Variants in BCHE observed in about 807,000 individuals in gnomAD.
The protein encoded by BCHE is butyrylcholinesterase, also known as cholinesterase.
A neutral mutation model predicts 51.3 loss-of-function variants in BCHE; 48 were observed. The observed-to-expected ratio is 0.94, with a 90% CI of 0.74 to 1.19. The LOEUF (loss-of-function observed/expected upper bound fraction) is 1.19. Ranked by LOEUF, BCHE falls within the 50% of genes most tolerant of loss-of-function variation. The probability of loss-of-function intolerance (pLI) is 0.00; values close to 1 mark genes in which losing one functional copy is unlikely to be tolerated. For synonymous variants in BCHE, 251 were observed against 238.0 expected (o/e 1.05, Z -0.50); for missense variants, 847 against 708.2 (o/e 1.20, Z -2.23).
chr3:165,808,239 C>G (rs1235825668), intron 2 of BCHE, among the ~76,000 whole-genome samples: 1 of 152,006 alleles, frequency 6.6e-6, no homozygotes, highest in East Asian at 1.9e-4. Context: ...CCCGCTTCTG[C>G]CTCTCAAAGT....
At chr3:165,775,233 C>G (rs912023644) in intron 3 of BCHE, among the ~76,000 whole-genome samples, 9 of 151,826 alleles carry the variant, frequency 5.9e-5, no homozygotes, top group Admixed American at 5.9e-4. Flanking sequence ...TACAATATCC[C>G]TTGTAATTTA....
chr3:165,789,818 C>G (rs1484068432), intron 2 of BCHE, among the ~76,000 whole-genome samples: 1 of 151,864 alleles, frequency 6.6e-6, no homozygotes, highest in African/African-American at 2.4e-5. Context: ...ATTTAGAAAA[C>G]AGATTCATTC....
chr3:165,824,865 C>T (rs1220400085), intron 2 of BCHE, among the ~76,000 whole-genome samples: 2 of 151,664 alleles, frequency 1.3e-5, no homozygotes, highest in Non-Finnish European at 2.9e-5. Context: ...AAAGGTATAC[C>T]ATATTCATGG....
chr3:165,809,376 C>T (rs1225368304), intron 2 of BCHE, among the ~76,000 whole-genome samples: 4 of 152,102 alleles, frequency 2.6e-5, no homozygotes, highest in African/African-American at 9.7e-5. Context: ...GAAAGCATTA[C>T]ACTATTGCCA....
At chr3:165,796,559 T>C (rs1713385277) in intron 2 of BCHE, among the ~76,000 whole-genome samples, 1 of 152,222 alleles carries the variant, frequency 6.6e-6, no homozygotes, top group Admixed American at 6.5e-5. Flanking sequence ...ATTTTTTCTT[T>C]TTAATCCAAA....
intron 2 of BCHE, among the ~76,000 whole-genome samples, chr3:165,818,352 T>C (rs1714384463): frequency 6.6e-6 from 1 of 152,186 alleles, no homozygotes; most frequent in Middle Eastern, 3.4e-3. Context: ...CTGCCAACAA[T>C]ATATTCTTAT....
chr3:165,792,049 C>T (rs867275970), intron 2 of BCHE, among the ~76,000 whole-genome samples: 20 of 152,136 alleles, frequency 1.3e-4, no homozygotes, highest in African/African-American at 4.3e-4. Context: ...ATGGTAAGTA[C>T]GCAGCTGGAA....
intron 2 of BCHE, among the ~76,000 whole-genome samples, chr3:165,787,457 G>A (rs888475335): frequency 6.6e-6 from 1 of 151,806 alleles, no homozygotes; most frequent in Non-Finnish European, 1.5e-5. Context: ...ACATAAGATA[G>A]CATAAACCGA....
rs1279547240 is a variant in BCHE at position 165,804,431 on chromosome 3, T to TA, written c.1518-18121dup. Among the ~76,000 whole-genome samples, 4 of 152,172 alleles carry TA rather than the reference T, an allele frequency of 2.6e-5. No homozygotes were observed. In the South Asian group the frequency reaches 8.3e-4, roughly 32 times the overall value. On this transcript the variant is annotated intron_variant, in intron 2 of 3. Transcript: ENST00000264381. ...TAAATGGAGGGCAAAGATGATTTTTTAAAAAAAGAAGAAAAATACTTTTAG... is the reference window on the plus strand; with the variant it reads ...TAAATGGAGGGCAAAGATGATTTTTTAAAAAAAAGAAGAAAAATACTTTTAG...
intron 3 of BCHE, among the ~76,000 whole-genome samples, chr3:165,774,173 G>A (rs1352925409): frequency 2.0e-5 from 3 of 152,052 alleles, no homozygotes; most frequent in Non-Finnish European, 1.5e-5. Flanking sequence ...TAGTATAGAT[G>A]TATTTATTTA....
chr3:165,807,846 G>A (rs1365728502), intron 2 of BCHE, among the ~76,000 whole-genome samples: 2 of 152,106 alleles, frequency 1.3e-5, no homozygotes, highest in East Asian at 3.9e-4. Context: ...TTACAGGCAT[G>A]AGCCACTACA....
chr3:165,778,112 A>G (rs1712544671), intron 3 of BCHE, among the ~76,000 whole-genome samples: 1 of 152,086 alleles, frequency 6.6e-6, no homozygotes, highest in Admixed American at 6.6e-5. Context: ...GTTTTTCCAG[A>G]GTCAACTGTT....
intron 2 of BCHE, among the ~76,000 whole-genome samples, chr3:165,796,314 A>G (rs1713374311): frequency 6.6e-6 from 1 of 152,194 alleles, no homozygotes; most frequent in Non-Finnish European, 1.5e-5. Context: ...TAAGAAAGAA[A>G]CATTTGGTTT....
intron 1 of BCHE, among the ~76,000 whole-genome samples, chr3:165,834,204 T>G (rs1274238275): frequency 1.3e-5 from 1 of 74,884 alleles, no homozygotes; most frequent in African/African-American, 3.7e-5. Context: ...TTGTAATATC[T>G]TCCCATGTCA....
At position 165,829,893 on chromosome 3, in the gene BCHE, C is replaced by T. The variant is rs763000328; in HGVS notation, c.1141G>A (p.Gly381Ser). The change falls in exon 2 of 4, where the codon GGT becomes AGT. Residue 381 changes from glycine to serine, a missense_variant. Physicochemically the swap from Gly to Ser is moderately conservative, Grantham distance 56. Transcript: ENST00000264381. The part of the protein sequence containing the change: ...SIITRKEFQE[G>S]LKIFFPGVSE... ...ACTCCTGGAAAAAATATTTTTAAAC[C>T]TTCCTGAAATTCTTTTCTAGTTATG... 1 of 1,611,098 alleles carries T rather than the reference C, an allele frequency of 6.2e-7. No individual in the cohort carries two copies. The highest frequency in any genetic ancestry group is 8.5e-7 in the Non-Finnish European group (1 of 1,179,240).
intron 3 of BCHE, among the ~76,000 whole-genome samples, chr3:165,782,923 C>T (rs1712764414): frequency 6.6e-6 from 1 of 151,946 alleles, no homozygotes; most frequent in Admixed American, 6.6e-5. Context: ...TCATCACCTC[C>T]CGCAACGATT....
At chr3:165,812,523 G>C (rs1714140678) in intron 2 of BCHE, among the ~76,000 whole-genome samples, 1 of 151,522 alleles carries the variant, frequency 6.6e-6, no homozygotes, top group Non-Finnish European at 1.5e-5. Context: ...ATTTAGCATG[G>C]GCATTTACAA....
At chr3:165,780,746 T>C (rs182084255) in intron 3 of BCHE, among the ~76,000 whole-genome samples, 264 of 152,148 alleles carry the variant, frequency 1.7e-3, no homozygotes, top group African/African-American at 6.2e-3. Flanking sequence ...GCAATTATTA[T>C]AAAGTCAAGA....
intron 2 of BCHE, among the ~76,000 whole-genome samples, chr3:165,827,659 A>T (rs1714777289): frequency 6.6e-6 from 1 of 152,062 alleles, no homozygotes; most frequent in African/African-American, 2.4e-5. Flanking sequence ...TTCAAAAATC[A>T]TCCTTAAATC....
Sources: gnomAD v4.1 joint callset for allele counts (sites outside exome capture counted in the v4.1 genomes callset) on GRCh38, gnomAD v4.1.1 for gene constraint, MANE v1.5 for transcripts, NCBI Gene and HGNC (gene_info 2026-07-23, HGNC 2026-07-21) for gene names.